Variants in RUVBL1 observed in about 807,000 individuals in gnomAD.
RUVBL1 encodes the protein RuvB like AAA ATPase 1, also known as ruvB-like 1.
In RUVBL1, 4 loss-of-function variants were observed where a neutral mutation model predicts 52.4. The observed-to-expected ratio is 0.08, with a 90% confidence interval of 0.04 to 0.17. RUVBL1 has a LOEUF of 0.17. Among genes scored for constraint, RUVBL1 ranks in the 10% least tolerant of loss-of-function variants. The pLI is 1.00. For missense variants in RUVBL1, 298 were observed against 572.8 expected, an observed-to-expected ratio of 0.52 and a Z score of 4.90; for synonymous variants, 217 against 214.4, an observed-to-expected ratio of 1.01 and a Z score of -0.10.
chr3:128,112,751 A>G, intron 3 of RUVBL1, 137 bp downstream of exon 3: 1 of 943,978 alleles, frequency 1.1e-6, no homozygotes, highest in African/African-American at 1.7e-5. Context: ...TTGAAAAATA[A>G]TGCACTACTA....
At chr3:128,136,370 G>A (rs1943947246) in intron 1 of RUVBL1, among the ~76,000 whole-genome samples, 1 of 152,160 alleles carries the variant, frequency 6.6e-6, no homozygotes. Context: ...GGTGGCTCAT[G>A]CCTGTAATCC....
At position 128,117,421 on chromosome 3, in the gene RUVBL1, G is replaced by A. The variant is rs150529071; in HGVS notation, c.228+1907C>T. On this transcript the variant is annotated intron_variant, in intron 2 of 10. Transcript: ENST00000322623. The stretch of plus-strand genomic sequence containing the variant: ...CATCCCTGGCCTCCACCCACTAGAT[G>A]CCAGTAGCACCCCCAACCAAGTCGT... Among the ~76,000 whole-genome samples, 59 of 152,222 alleles carry A rather than the reference G, an allele frequency of 3.9e-4. No individual in the cohort carries two copies. The East Asian group carries it at 0.011, about 28-fold the overall frequency.
chr3:128,097,565 T>A (rs909464447), intron 7 of RUVBL1, 67 bp from the exon 8 acceptor site: 3 of 1,397,816 alleles, frequency 2.1e-6, no homozygotes, highest in East Asian at 2.3e-5. Flanking sequence ...CCTTTTCTCC[T>A]CCACCTGAAT....
intron 9 of RUVBL1, among the ~76,000 whole-genome samples, chr3:128,086,058 A>T (rs530078581): frequency 6.6e-6 from 1 of 152,286 alleles, no homozygotes; most frequent in South Asian, 2.1e-4. Context: ...GTGCAGTGGC[A>T]CCATCACAGC....
downstream of RUVBL1, among the ~76,000 whole-genome samples, chr3:128,080,263 A>G (rs184511377): frequency 3.9e-5 from 6 of 152,352 alleles, no homozygotes; most frequent in East Asian, 5.8e-4. Context: ...AAAGTATACA[A>G]TGAACTTCCG....
intron 6 of RUVBL1, among the ~76,000 whole-genome samples, chr3:128,099,277 T>A (rs1266056893): frequency 6.6e-6 from 1 of 152,184 alleles, no homozygotes; most frequent in African/African-American, 2.4e-5. Context: ...TATGACTCAA[T>A]GCTTTTGAGT....
At chr3:128,090,972 A>C (rs1327438089) in intron 8 of RUVBL1, among the ~76,000 whole-genome samples, 1 of 152,270 alleles carries the variant, frequency 6.6e-6, no homozygotes, top group African/African-American at 2.4e-5. Flanking sequence ...ATCAAACTTC[A>C]CAAGAACAGA....
At chr3:128,091,302 C>T (rs1291883976) in intron 8 of RUVBL1, among the ~76,000 whole-genome samples, 4 of 66,288 alleles carry the variant, frequency 6.0e-5, no homozygotes, top group East Asian at 1.4e-3. Context: ...GCTGGGGGAA[C>T]GGGGGGTGGG....
chr3:128,144,058 G>A (rs752141437), intron 1 of RUVBL1, among the ~76,000 whole-genome samples: 8 of 152,160 alleles, frequency 5.3e-5, no homozygotes, highest in Admixed American at 2.0e-4. Flanking sequence ...TCCTTGACCC[G>A]TGGCTAAATG....
rs146026695 is a variant in RUVBL1, at chr3:128,147,976, A to C, written c.-40+5227T>G. ...GATAAATCTCAAATGCATTATGCTA[A>C]GTGAAAGAAGCTGGACCCCAACGGT... On this transcript the variant is annotated intron_variant, in intron 1 of 9. Coordinates refer to the RUVBL1 transcript ENST00000464873. Among the ~76,000 whole-genome samples the C allele has an allele frequency of 7.9e-5, 12 of 152,370 alleles. No homozygotes were observed. In the East Asian group the frequency reaches 2.3e-3, roughly 29 times the overall value.
intron 9 of RUVBL1, chr3:128,071,350 ACTGCCCTGT>A (rs1942162372): frequency 6.6e-6 from 1 of 152,492 alleles, no homozygotes; most frequent in Non-Finnish European, 1.5e-5. Flanking sequence ...TGGTTCTCCC[ACTGCCCTGT>A]CTGCTCTGCT....
At chr3:128,087,191 A>C (rs1221407247) in intron 9 of RUVBL1, among the ~76,000 whole-genome samples, 1 of 152,238 alleles carries the variant, frequency 6.6e-6, no homozygotes, top group African/African-American at 2.4e-5. Context: ...CTAGGACACA[A>C]GCACTGGCCT....
intron 8 of RUVBL1, among the ~76,000 whole-genome samples, chr3:128,091,308 G>A (rs1942831678): frequency 1.3e-5 from 2 of 151,582 alleles, no homozygotes; most frequent in Non-Finnish European, 2.9e-5. Context: ...GGAACGGGGG[G>A]TGGGGAGGAT....
chr3:128,104,951 G>C, intron 3 of RUVBL1, 27 bp from the exon 4 acceptor site: 2 of 1,583,154 alleles, frequency 1.3e-6, no homozygotes, highest in Non-Finnish European at 1.7e-6. Context: ...AGGGGCCATG[G>C]TGAGAAGCAG....
At chr3:128,149,086 G>A (rs1390304756) in intron 1 of RUVBL1, among the ~76,000 whole-genome samples, 1 of 143,894 alleles carries the variant, frequency 6.9e-6, no homozygotes, top group Non-Finnish European at 1.6e-5. Context: ...CTTTGTGTCT[G>A]ATATAATTTC....
At chr3:128,153,534 C>T in exon 1 of RUVBL1, 2 of 1,519,470 alleles carry the variant, frequency 1.3e-6, no homozygotes, top group Non-Finnish European at 1.8e-6. Context: ...TGAACGTGAA[C>T]GTGGGCGTGC....
chr3:128,125,005 C>CTTTTT (rs749620135), upstream of RUVBL1, among the ~76,000 whole-genome samples: 29 of 61,350 alleles, frequency 4.7e-4, 7 homozygotes, highest in African/African-American at 6.9e-4. Flanking sequence ...CTCACACCGC[C>CTTTTT]TTTTTTTTTT....
chr3:128,136,623 CAA>C (rs56097921), intron 1 of RUVBL1, among the ~76,000 whole-genome samples: 38 of 112,182 alleles, frequency 3.4e-4, no homozygotes, highest in African/African-American at 1.2e-3. Context: ...GAGACCCTGT[CAA>C]AAAAAAAAAA....
chr3:128,128,336 GATCT>G (rs1289846182), upstream of RUVBL1, among the ~76,000 whole-genome samples: 3 of 152,276 alleles, frequency 2.0e-5, no homozygotes, highest in East Asian at 5.8e-4. Context: ...GTAACAGAGA[GATCT>G]AAAATAACAG....
Sources: gnomAD v4.1 joint callset for allele counts (sites outside exome capture counted in the v4.1 genomes callset) on GRCh38, gnomAD v4.1.1 for gene constraint, MANE v1.5 for transcripts, NCBI Gene and HGNC (gene_info 2026-07-23, HGNC 2026-07-21) for gene names.